DOCK7: variants seen among roughly 807,000 people sequenced by gnomAD.
The protein encoded by DOCK7 is dedicator of cytokinesis 7.
Under a neutral mutation model 271.0 loss-of-function variants are expected in DOCK7, and 138 were observed. That is an observed-to-expected ratio of 0.51 (90% confidence interval 0.44 to 0.59). The LOEUF (loss-of-function observed/expected upper bound fraction) is 0.59, where lower values mean the gene tolerates loss of function less well. DOCK7 is among the 20% of genes least tolerant of loss of function. The pLI is 0.00. For missense variants in DOCK7, 2,066 were observed against 2,592.4 expected, an observed-to-expected ratio of 0.80 and a Z score of 4.41; for synonymous variants, 823 against 876.1, an observed-to-expected ratio of 0.94 and a Z score of 1.07.
chr1:62,619,842 T>C, intron 13 of DOCK7, 58 bp downstream of exon 13: 2 of 1,087,828 alleles, frequency 1.8e-6, no homozygotes, highest in South Asian at 1.4e-5. Flanking sequence ...TTATAAGCAA[T>C]ACAACATAGT....
chr1:62,618,293 T>G (rs1236511406), intron 14 of DOCK7, among the ~76,000 whole-genome samples: 1 of 152,160 alleles, frequency 6.6e-6, no homozygotes, highest in African/African-American at 2.4e-5. Flanking sequence ...TGTGTAATGC[T>G]AGATTCTGCT....
intron 14 of DOCK7, among the ~76,000 whole-genome samples, chr1:62,589,880 T>TAAAAAA (rs543247913): frequency 1.0e-5 from 1 of 99,612 alleles, no homozygotes; most frequent in South Asian, 3.3e-4. Flanking sequence ...AGACTCCATC[T>TAAAAAA]AAAAAAAAAA....
At chr1:62,485,671 T>C (rs943496923) in intron 43 of DOCK7, 5 of 984,796 alleles carry the variant, frequency 5.1e-6, no homozygotes, top group African/African-American at 1.8e-5. Flanking sequence ...CAATAGACAA[T>C]AGTAAAAGTG....
intron 25 of DOCK7, among the ~76,000 whole-genome samples, chr1:62,541,295 CT>C (rs1645521893): frequency 6.6e-6 from 1 of 152,204 alleles, no homozygotes; most frequent in Non-Finnish European, 1.5e-5. Flanking sequence ...CAGGGCAGTA[CT>C]GGCATATTGT....
At chr1:62,595,665 A>G (rs1649125597) in intron 14 of DOCK7, among the ~76,000 whole-genome samples, 1 of 152,126 alleles carries the variant, frequency 6.6e-6, no homozygotes, top group Non-Finnish European at 1.5e-5. Flanking sequence ...ACAGTGGCTT[A>G]CTCCTTTAAT....
At chr1:62,475,980 A>C in intron 45 of DOCK7, 37 bp from the exon 46 acceptor site, 1 of 1,604,882 alleles carries the variant, frequency 6.2e-7, no homozygotes, top group Non-Finnish European at 8.5e-7. Context: ...CCTCACTGTT[A>C]AGTCATCATT....
intron 1 of DOCK7, among the ~76,000 whole-genome samples, chr1:62,667,128 G>A (rs1435996777): frequency 6.6e-6 from 1 of 152,162 alleles, no homozygotes; most frequent in African/African-American, 2.4e-5. Context: ...AATGAACCAA[G>A]GGGTGATAAG....
At chr1:62,605,511 G>A (rs1341050414) in intron 14 of DOCK7, 5 of 152,322 alleles carry the variant, frequency 3.3e-5, no homozygotes, top group Non-Finnish European at 5.9e-5. Flanking sequence ...TACCTTATTT[G>A]TTAAAATATA....
At chr1:62,549,268 G>A (rs1021519642) in intron 22 of DOCK7, among the ~76,000 whole-genome samples, 4 of 152,162 alleles carry the variant, frequency 2.6e-5, no homozygotes, top group Non-Finnish European at 4.4e-5. Flanking sequence ...AAAGTAAGCC[G>A]AGTTCTGAAA....
intron 12 of DOCK7, among the ~76,000 whole-genome samples, chr1:62,620,975 C>T (rs1438214109): frequency 7.0e-6 from 1 of 142,664 alleles, no homozygotes; most frequent in African/African-American, 2.6e-5. Context: ...AGACATAAAA[C>T]AGAATCAAAA....
intron 3 of DOCK7, 36 bp from the exon 4 acceptor site, chr1:62,653,829 C>A: frequency 6.8e-7 from 1 of 1,473,562 alleles, no homozygotes; most frequent in Non-Finnish European, 9.4e-7. Context: ...GTAATTTAGA[C>A]GGGACAGCAC....
At chr1:62,589,807 G>A (rs917365200) in intron 14 of DOCK7, among the ~76,000 whole-genome samples, 7 of 150,878 alleles carry the variant, frequency 4.6e-5, no homozygotes, top group African/African-American at 1.2e-4. Flanking sequence ...GCGTGAACCC[G>A]GTAGGCGGAG....
At chr1:62,564,299 T>C (rs1190493278) in intron 18 of DOCK7, among the ~76,000 whole-genome samples, 1 of 152,128 alleles carries the variant, frequency 6.6e-6, no homozygotes. Context: ...TATTCTAAAA[T>C]TGACCACATA....
intron 1 of DOCK7, among the ~76,000 whole-genome samples, chr1:62,677,661 T>G (rs1660685298): frequency 6.6e-6 from 1 of 152,088 alleles, no homozygotes; most frequent in Admixed American, 6.5e-5. Flanking sequence ...GAGTTAACTC[T>G]GAAGAAATTG....
At chr1:62,523,876 T>G (rs1644923485) in intron 31 of DOCK7, among the ~76,000 whole-genome samples, 1 of 151,738 alleles carries the variant, frequency 6.6e-6, no homozygotes, top group African/African-American at 2.4e-5. Context: ...CCAAGATAAA[T>G]AAATAAATAA....
intron 18 of DOCK7, among the ~76,000 whole-genome samples, chr1:62,568,251 G>C (rs1330664600): frequency 2.0e-5 from 3 of 151,888 alleles, no homozygotes; most frequent in African/African-American, 7.3e-5. Context: ...AGCTAAAGCA[G>C]TGTTAACAGG....
intron 1 of DOCK7, among the ~76,000 whole-genome samples, chr1:62,665,685 C>T (rs1659223675): frequency 1.5e-5 from 2 of 137,134 alleles, no homozygotes; most frequent in Admixed American, 7.9e-5. Context: ...CACTGCACTC[C>T]AGCCTGGTGA....
Position 62,638,226 on chromosome 1 carries a change from A to G in DOCK7, c.819-1623T>C, listed in dbSNP as rs1366134339. On this transcript the variant is annotated intron_variant, in intron 7 of 49. Coordinates refer to ENST00000635253, the MANE Select transcript of DOCK7 (RefSeq NM_001367561.1). ...TCTAGAAATGAGCACACTGCCAAGT[A>G]TATGTGTTGGAAATACCTTCTCCTT... The G allele has an allele frequency of 1.8e-4, 28 of 152,156 alleles. 1 individual carries two copies. Among genetic ancestry groups the G allele is most frequent in the African/African-American group, 2.4e-5 (1 of 41,442 alleles). 9.4% of individuals were successfully genotyped at this position (152,156 alleles called of 1,614,324 possible).
chr1:62,645,444 A>C (rs960124951), intron 7 of DOCK7, among the ~76,000 whole-genome samples: 3 of 152,170 alleles, frequency 2.0e-5, no homozygotes, highest in African/African-American at 7.2e-5. Flanking sequence ...TACATATTGC[A>C]TGATTCCATT....
Sources: allele counts gnomAD v4.1 joint callset (sites outside exome capture counted in the v4.1 genomes callset), GRCh38; gene constraint gnomAD v4.1.1; transcripts MANE v1.5; gene names NCBI Gene and HGNC (gene_info 2026-07-23, HGNC 2026-07-21).